Variants in NEK4 observed in about 807,000 individuals in gnomAD.
NEK4 encodes NIMA related kinase 4, also known as serine/threonine-protein kinase Nek4.
Under a neutral mutation model 98.4 loss-of-function variants are expected in NEK4, and 86 were observed. The observed-to-expected ratio is 0.87, with a 90% CI of 0.73 to 1.05. The LOEUF (loss-of-function observed/expected upper bound fraction) is 1.05, where lower values mean the gene tolerates loss of function less well. Ranked by LOEUF, NEK4 falls within the 50% of genes least tolerant of loss-of-function variation. NEK4 has a pLI of 0.00. For missense variants in NEK4, 898 were observed against 950.3 expected, an observed-to-expected ratio of 0.94 and a Z score of 0.72; for synonymous variants, 328 against 342.2, an observed-to-expected ratio of 0.96 and a Z score of 0.46.
intron 15 of NEK4, among the ~76,000 whole-genome samples, chr3:52,724,452 G>A (rs974631330): frequency 2.0e-5 from 3 of 152,188 alleles, no homozygotes; most frequent in Non-Finnish European, 2.9e-5. Flanking sequence ...TGGCAAAAAT[G>A]CCCTTCAAAA....
At chr3:52,729,640 G>A (rs1014034792) in intron 15 of NEK4, among the ~76,000 whole-genome samples, 4 of 149,784 alleles carry the variant, frequency 2.7e-5, no homozygotes, top group East Asian at 2.0e-4. Context: ...CCCGGGAGAC[G>A]GTGGTTGCAG....
At chr3:52,717,470 T>C (rs1200045988) in intron 15 of NEK4, among the ~76,000 whole-genome samples, 1 of 151,462 alleles carries the variant, frequency 6.6e-6, no homozygotes, top group Non-Finnish European at 1.5e-5. Flanking sequence ...AAAGTGAAGA[T>C]TCCATGTTAG....
At chr3:52,760,044 G>C (rs1332291740) in intron 6 of NEK4, among the ~76,000 whole-genome samples, 2 of 152,182 alleles carry the variant, frequency 1.3e-5, no homozygotes, top group African/African-American at 2.4e-5. Flanking sequence ...ACACACTGGT[G>C]GTTGCCAGAG....
At position 52,711,181 on chromosome 3, in the gene NEK4, A is replaced by ATGAGG. The variant is rs1460029332; in HGVS notation, c.*591_*595dup. ...CAGTTTTAATTTGTATATACCCTAG[A>ATGAGG]TGAGGTTTATATTAAATGAGAATAA... On this transcript the variant is annotated 3_prime_UTR_variant, in exon 16 of 16. Coordinates refer to ENST00000233027, the MANE Select transcript of NEK4 (RefSeq NM_003157.6). 1 of 152,420 alleles carries ATGAGG rather than the reference A, an allele frequency of 6.6e-6. No individual in the cohort carries two copies. The highest frequency in any genetic ancestry group is 1.5e-5 in the Non-Finnish European group (1 of 68,010). The allele number at this position is 152,420 out of a possible 1,614,324, so 9.4% of individuals were successfully genotyped here.
At chr3:52,717,561 T>G (rs937826882) in intron 15 of NEK4, among the ~76,000 whole-genome samples, 39 of 151,910 alleles carry the variant, frequency 2.6e-4, no homozygotes, top group African/African-American at 8.9e-4. Flanking sequence ...GGGTGCTAAG[T>G]TTCTAAAGTG....
At chr3:52,750,742 C>T (rs973578670) in intron 7 of NEK4, among the ~76,000 whole-genome samples, 4 of 151,858 alleles carry the variant, frequency 2.6e-5, no homozygotes, top group Non-Finnish European at 5.9e-5. Context: ...GCCTGGGCAA[C>T]ATGGCCATGG....
chr3:52,745,746 A>G (rs2097395001), intron 10 of NEK4, among the ~76,000 whole-genome samples: 1 of 152,130 alleles, frequency 6.6e-6, no homozygotes, highest in Non-Finnish European at 1.5e-5. Flanking sequence ...GCTTTAAGAC[A>G]GGTTATTGCT....
At chr3:52,724,744 T>C (rs544890649) in intron 15 of NEK4, among the ~76,000 whole-genome samples, 28 of 152,300 alleles carry the variant, frequency 1.8e-4, no homozygotes, top group African/African-American at 5.3e-4. Context: ...TTGAGATACA[T>C]TGCACAACAT....
intron 15 of NEK4, among the ~76,000 whole-genome samples, chr3:52,718,579 G>C (rs1322849915): frequency 1.3e-5 from 2 of 151,850 alleles, no homozygotes; most frequent in Non-Finnish European, 2.9e-5. Flanking sequence ...CTCCAGAGCA[G>C]AACTCTTACC....
intron 6 of NEK4, among the ~76,000 whole-genome samples, chr3:52,759,096 A>G (rs1263030166): frequency 7.5e-6 from 1 of 133,526 alleles, no homozygotes; most frequent in Non-Finnish European, 1.7e-5. Context: ...CTCTTAAAAA[A>G]AGAAAAAAGA....
chr3:52,733,268 C>CAG, intron 15 of NEK4: 1 of 311,846 alleles, frequency 3.2e-6, no homozygotes, highest in South Asian at 3.8e-5. Flanking sequence ...TCATACTGGA[C>CAG]AGAAGCCTTA....
rs141982103 is a variant in NEK4 at position 52,739,459 on chromosome 3, C to T, written c.2269G>A (p.Glu757Lys). 2 of 1,614,058 alleles carry T rather than the reference C, an allele frequency of 1.2e-6. No individual in the cohort carries two copies. The highest frequency in any genetic ancestry group is 2.7e-5 in the African/African-American group (2 of 74,920). Reference sequence around the variant, plus strand: ...GGTAGCTCTTTAAAATGGATTTCCTCTGCCTCTTCTGCAACCTTCCCATGA... The same window carrying T: ...GGTAGCTCTTTAAAATGGATTTCCTTTGCCTCTTCTGCAACCTTCCCATGA... Reference protein sequence around the residue: ...ILHGKVAEEAEEIHFKELPSA... With the variant: ...ILHGKVAEEAKEIHFKELPSA... Residue 757 changes from glutamate (E) to lysine (K), a missense_variant, in exon 14 of 16, where the codon GAG (glutamate) becomes AAG (lysine). Transcript: ENST00000233027.
At chr3:52,718,738 G>A (rs930227023) in intron 15 of NEK4, among the ~76,000 whole-genome samples, 4 of 152,050 alleles carry the variant, frequency 2.6e-5, no homozygotes, top group Non-Finnish European at 5.9e-5. Context: ...CCCGCAACCC[G>A]CCATGTCCCA....
chr3:52,725,307 C>T (rs1052495943), intron 15 of NEK4, among the ~76,000 whole-genome samples: 18 of 151,840 alleles, frequency 1.2e-4, no homozygotes, highest in Admixed American at 9.8e-4. Context: ...GTCAGGAGAT[C>T]GAGACCATCC....
chr3:52,742,725 C>T (rs529837740), intron 12 of NEK4, among the ~76,000 whole-genome samples: 2 of 152,302 alleles, frequency 1.3e-5, no homozygotes, highest in Admixed American at 6.5e-5. Flanking sequence ...GTTGGTATCA[C>T]AGCAGATTGA....
At chr3:52,733,379 G>T in intron 15 of NEK4, 1 of 367,636 alleles carries the variant, frequency 2.7e-6, no homozygotes, top group South Asian at 2.5e-5. Context: ...TAACGAATGT[G>T]GTAAAGCATT....
chr3:52,739,878 C>A (rs1012823201), intron 13 of NEK4, among the ~76,000 whole-genome samples: 6 of 152,160 alleles, frequency 3.9e-5, no homozygotes, highest in Non-Finnish European at 7.3e-5. Flanking sequence ...GAGTCAACAC[C>A]TTTAAGCCTA....
At chr3:52,753,794 T>A in intron 6 of NEK4, 1 of 508,206 alleles carries the variant, frequency 2.0e-6, no homozygotes, top group South Asian at 1.5e-5. Flanking sequence ...GCAGACGTTA[T>A]TAGGTGTCTA....
At chr3:52,763,672 C>T (rs900785962) in intron 4 of NEK4, 48 bp from the exon 5 acceptor site, 12 of 1,414,074 alleles carry the variant, frequency 8.5e-6, no homozygotes, top group African/African-American at 1.4e-5. Flanking sequence ...TCTTGTGAAA[C>T]AAAGTAAAAG....
Sources: allele counts gnomAD v4.1 joint callset (sites outside exome capture counted in the v4.1 genomes callset), GRCh38; gene constraint gnomAD v4.1.1; transcripts MANE v1.5; gene names NCBI Gene and HGNC (gene_info 2026-07-23, HGNC 2026-07-21).